GRAMD4: variants seen among roughly 807,000 people sequenced by gnomAD.
GRAMD4 encodes GRAM domain containing 4, also known as GRAM domain-containing protein 4.
Under a neutral mutation model 83.9 loss-of-function variants are expected in GRAMD4, and 25 were observed. The ratio of observed to expected loss-of-function variants is 0.30; its 90% CI spans 0.22 to 0.42. The LOEUF is 0.42. Ranked by LOEUF, GRAMD4 falls within the 10% of genes least tolerant of loss-of-function variation. The pLI, the probability that GRAMD4 is intolerant of heterozygous loss-of-function variation, is 1.00. For synonymous variants in GRAMD4, 336 were observed against 320.9 expected, an observed-to-expected ratio of 1.05 and a Z score of -0.50; for missense variants, 593 against 788.7, an observed-to-expected ratio of 0.75 and a Z score of 2.97.
At chr22:46,640,650 G>A (rs1311307343) in intron 3 of GRAMD4, among the ~76,000 whole-genome samples, 3 of 152,102 alleles carry the variant, frequency 2.0e-5, no homozygotes, top group Non-Finnish European at 4.4e-5. Flanking sequence ...GTGAGCACGG[G>A]GATTATTTTT....
rs947701565 is a variant in GRAMD4, at chr22:46,623,728, G to A, written c.-49-3023G>A. Among the ~76,000 whole-genome samples, 24 of 151,214 alleles carry A rather than the reference G, an allele frequency of 1.6e-4. 1 individual carries two copies. Among genetic ancestry groups the A allele is most frequent in the African/African-American group, 5.6e-4 (23 of 41,112 alleles). ...CTTTCTAGTGAGCTTGAAGGTTTTC[G>A]CGTATTAGGAAGTGGTCTTGTCATT... On this transcript the variant is annotated intron_variant, in intron 1 of 18. Coordinates refer to ENST00000406902, the MANE Select transcript of GRAMD4 (RefSeq NM_015124.5).
chr22:46,655,130 C>T (rs1265858517), intron 3 of GRAMD4, among the ~76,000 whole-genome samples: 2 of 152,140 alleles, frequency 1.3e-5, no homozygotes, highest in Non-Finnish European at 2.9e-5. Flanking sequence ...AGGGCCAGCA[C>T]ATGCAAAAGT....
intron 1 of GRAMD4, among the ~76,000 whole-genome samples, chr22:46,588,566 C>T (rs959387453): frequency 6.6e-6 from 1 of 152,264 alleles, no homozygotes; most frequent in Non-Finnish European, 1.5e-5. Context: ...CACCCTGTCC[C>T]TCGCAGTCTT....
chr22:46,612,938 C>T (rs994415195), intron 1 of GRAMD4, among the ~76,000 whole-genome samples: 1 of 152,224 alleles, frequency 6.6e-6, no homozygotes, highest in African/African-American at 2.4e-5. Context: ...CCTGCTCACC[C>T]ACAGGCCCTT....
chr22:46,642,440 A>G (rs139414638), intron 3 of GRAMD4, among the ~76,000 whole-genome samples: 23 of 152,348 alleles, frequency 1.5e-4, no homozygotes, highest in African/African-American at 5.5e-4. Flanking sequence ...GTGTAACCTC[A>G]TCAGACTTTT....
intron 1 of GRAMD4, among the ~76,000 whole-genome samples, chr22:46,599,199 C>A (rs1390885978): frequency 6.6e-6 from 1 of 152,158 alleles, no homozygotes; most frequent in Non-Finnish European, 1.5e-5. Context: ...GTTGAGCCAC[C>A]CTGGGCGCAG....
chr22:46,658,265 G>A lies in GRAMD4; in HGVS notation c.362G>A (p.Arg121Gln), dbSNP rs2082273904. The change falls in exon 4 of 19, where the codon CGG (arginine) becomes CAG (glutamine). Residue 121 changes from arginine (R) to glutamine (Q), a missense_variant. This residue lies in a region of GRAMD4 where 312 missense variants were observed against 350.7 expected (regional missense o/e 0.89). Coordinates refer to ENST00000406902, the MANE Select transcript of GRAMD4 (RefSeq NM_015124.5). ...RQELDRERQR[R>Q]MELEQKVQEV... ...GAGCTGGACCGCGAGCGGCAGCGGC[G>A]GATGGAGCTGGAGCAGAAGGTGCAG... 4.3e-6 allele frequency: 7 copies of A among 1,613,060 alleles called. No homozygotes were observed. The highest frequency in any genetic ancestry group is 2.5e-6 in the Non-Finnish European group (3 of 1,179,850).
intron 3 of GRAMD4, among the ~76,000 whole-genome samples, chr22:46,657,738 G>A (rs569969296): frequency 6.6e-6 from 1 of 152,336 alleles, no homozygotes; most frequent in South Asian, 2.1e-4. Flanking sequence ...GCTGGCCCAG[G>A]GCCTTTGCTC....
downstream of GRAMD4, among the ~76,000 whole-genome samples, chr22:46,679,968 G>C (rs759247255): frequency 2.6e-5 from 4 of 152,240 alleles, no homozygotes; most frequent in Non-Finnish European, 5.9e-5. Flanking sequence ...GGGGTGAGGT[G>C]GGGCTGAGAA....
At chr22:46,598,425 G>C (rs2081282454) in intron 1 of GRAMD4, among the ~76,000 whole-genome samples, 1 of 152,164 alleles carries the variant, frequency 6.6e-6, no homozygotes, top group Non-Finnish European at 1.5e-5. Context: ...TTGCACCTCG[G>C]TGTTTGTTGC....
chr22:46,580,686 C>T (rs952008349), intron 1 of GRAMD4, among the ~76,000 whole-genome samples: 6 of 152,138 alleles, frequency 3.9e-5, no homozygotes, highest in Admixed American at 6.6e-5. Flanking sequence ...TGGGTTTCGC[C>T]GGGCGCGCTG....
downstream of GRAMD4, chr22:46,682,372 TG>T (rs1464121458): frequency 1.1e-6 from 1 of 939,658 alleles, no homozygotes; most frequent in Middle Eastern, 5.3e-4. Flanking sequence ...TGTTACTATC[TG>T]TAAATGATAT....
At chr22:46,673,642 T>A (rs1477109577) in intron 14 of GRAMD4, 28 bp from the exon 15 acceptor site, 3 of 1,604,184 alleles carry the variant, frequency 1.9e-6, no homozygotes, top group Non-Finnish European at 2.6e-6. Context: ...GCAGCGGGCC[T>A]GACCTCGACG....
intron 1 of GRAMD4, among the ~76,000 whole-genome samples, chr22:46,581,430 TGGGATTTG>T (rs1311870900): frequency 8.5e-5 from 13 of 152,238 alleles, no homozygotes; most frequent in African/African-American, 3.1e-4. Context: ...CGAGCAGAGC[TGGGATTTG>T]CACGTGGGTG....
rs1440940905 is a variant in GRAMD4, at chr22:46,668,082, C to T, written c.859-14C>T. ...AAATTTCAGTGGAAAATTCTCTTTC[C>T]CCTTTTACTGAAGGAACCTCCAAAG... On this transcript the variant is annotated splice_polypyrimidine_tract_variant and intron_variant, in intron 10 of 18. Coordinates refer to ENST00000406902, the MANE Select transcript of GRAMD4 (RefSeq NM_015124.5). 1.0e-5 allele frequency: 16 copies of T among 1,579,360 alleles called. No homozygotes were observed. Among genetic ancestry groups the T allele is most frequent in the Non-Finnish European group, 1.1e-5 (13 of 1,149,964 alleles).
At chr22:46,640,496 C>G (rs749684506) in intron 3 of GRAMD4, among the ~76,000 whole-genome samples, 2 of 152,134 alleles carry the variant, frequency 1.3e-5, no homozygotes, top group Non-Finnish European at 2.9e-5. Context: ...AATGAGGCCA[C>G]CTGGTCACAA....
upstream of GRAMD4, among the ~76,000 whole-genome samples, chr22:46,615,587 A>G (rs1441616339): frequency 6.1e-4 from 42 of 69,104 alleles, no homozygotes; most frequent in South Asian, 1.1e-3. Context: ...CTGTGCGTGT[A>G]GGTTCCCCCG....
chr22:46,636,880 C>T (rs902884564), intron 2 of GRAMD4, among the ~76,000 whole-genome samples: 8 of 152,238 alleles, frequency 5.3e-5, no homozygotes, highest in African/African-American at 1.2e-4. Context: ...AACTCGAGCC[C>T]GTCCTGGCTT....
At chr22:46,605,714 C>T (rs1037802013) in intron 1 of GRAMD4, among the ~76,000 whole-genome samples, 1 of 148,666 alleles carries the variant, frequency 6.7e-6, no homozygotes, top group Non-Finnish European at 1.5e-5. Flanking sequence ...TGCTGAGCAT[C>T]TCTGCATGGG....
Sources: allele counts gnomAD v4.1 joint callset (sites outside exome capture counted in the v4.1 genomes callset), GRCh38; gene constraint gnomAD v4.1.1; regional missense constraint gnomAD v4.1.1; transcripts MANE v1.5; gene names NCBI Gene and HGNC (gene_info 2026-07-23, HGNC 2026-07-21).